ZNF638: variants seen among roughly 807,000 people sequenced by gnomAD.
The protein encoded by ZNF638 is CTCL tumor antigen se33-1.
In ZNF638, 46 loss-of-function variants were observed where a neutral mutation model predicts 195.6. That is an observed-to-expected ratio of 0.24 (90% confidence interval 0.19 to 0.30). The LOEUF (loss-of-function observed/expected upper bound fraction) is 0.30, where lower values mean the gene tolerates loss of function less well. Among genes scored for constraint, ZNF638 ranks in the 10% least tolerant of loss-of-function variants. The pLI is 1.00. For synonymous variants in ZNF638, 845 were observed against 772.0 expected, an observed-to-expected ratio of 1.09 and a Z score of -1.57; for missense variants, 2,440 against 2,325.3, an observed-to-expected ratio of 1.05 and a Z score of -1.01.
Position 71,396,515 on chromosome 2 carries a change from C to T in ZNF638, c.2428+324C>T, listed in dbSNP as rs368330445. Among the ~76,000 whole-genome samples, 8 of 152,192 alleles carry T rather than the reference C, an allele frequency of 5.3e-5. No individual in the cohort carries two copies. The South Asian group carries it at 8.3e-4, about 16-fold the overall frequency. ...TATGATCCTTTGTAGTTTTTGTGAG[C>T]TATAGTGGGATTTTAGGTAATTATT... On this transcript the variant is annotated intron_variant, in intron 11 of 27. Coordinates refer to ENST00000264447, the MANE Select transcript of ZNF638 (RefSeq NM_014497.5).
chr2:71,390,033 C>G (rs1439627354), intron 10 of ZNF638, among the ~76,000 whole-genome samples: 3 of 152,134 alleles, frequency 2.0e-5, no homozygotes, highest in African/African-American at 7.2e-5. Context: ...GTGTGGAGAG[C>G]CAGGTCATAA....
intron 20 of ZNF638, among the ~76,000 whole-genome samples, chr2:71,417,057 C>T (rs1340193066): frequency 4.0e-5 from 5 of 124,382 alleles, no homozygotes; most frequent in Non-Finnish European, 8.4e-5. Context: ...TGGGCAATGG[C>T]GGGCGCCCCT....
chr2:71,359,025 C>G (rs1198756938), intron 3 of ZNF638, among the ~76,000 whole-genome samples: 2 of 152,066 alleles, frequency 1.3e-5, no homozygotes, highest in African/African-American at 4.8e-5. Flanking sequence ...CTGGCATAGT[C>G]TAAACATAAC....
chr2:71,433,716 A>G (rs944226564), intron 27 of ZNF638: 1 of 155,226 alleles, frequency 6.4e-6, no homozygotes, highest in East Asian at 1.9e-4. Flanking sequence ...CTGGAGAATC[A>G]TCATTAACCA....
chr2:71,402,382 CTATGT>C (rs532860575), intron 16 of ZNF638, among the ~76,000 whole-genome samples: 6 of 151,904 alleles, frequency 3.9e-5, no homozygotes, highest in African/African-American at 9.7e-5. Flanking sequence ...ATATCTTTTA[CTATGT>C]TATGTTAATA....
intron 23 of ZNF638, among the ~76,000 whole-genome samples, chr2:71,425,445 T>TA (rs1377978252): frequency 1.3e-5 from 2 of 152,168 alleles, no homozygotes; most frequent in Non-Finnish European, 2.9e-5. Context: ...CCCTAGAAAT[T>TA]ACAGGGTACA....
In ZNF638 at chr2:71,428,538, T is replaced by C. The variant is rs760935583; in HGVS notation, c.5546-9T>C. On this transcript the variant is annotated splice_polypyrimidine_tract_variant and intron_variant, in intron 24 of 27. Transcript: ENST00000264447. ...ACTAGAGCAATAAATTAGGACTTTC[T>C]TTTTAAAGCTAAAACTCCAACCAAG... 3 of 1,609,332 alleles carry C rather than the reference T, an allele frequency of 1.9e-6. No individual in the cohort carries two copies. Among genetic ancestry groups the C allele is most frequent in the Non-Finnish European group, 2.5e-6 (3 of 1,177,480 alleles).
intron 8 of ZNF638, among the ~76,000 whole-genome samples, chr2:71,372,092 T>C (rs1316316276): frequency 1.3e-5 from 2 of 152,090 alleles, no homozygotes; most frequent in Non-Finnish European, 2.9e-5. Context: ...TTGTATATGG[T>C]GAGAGATAGG....
intron 26 of ZNF638, among the ~76,000 whole-genome samples, chr2:71,432,149 A>G (rs541066257): frequency 6.6e-6 from 1 of 152,196 alleles, no homozygotes; most frequent in African/African-American, 2.4e-5. Flanking sequence ...GTTGCCCATC[A>G]TTCTACCTCT....
chr2:71,367,361 T>C (rs569081384), intron 6 of ZNF638, among the ~76,000 whole-genome samples: 1 of 151,086 alleles, frequency 6.6e-6, no homozygotes, highest in Non-Finnish European at 1.5e-5. Context: ...TGAGCTCAAG[T>C]ATCCTCCTGC....
chr2:71,392,011 A>C (rs549189582), intron 10 of ZNF638, among the ~76,000 whole-genome samples: 3 of 152,234 alleles, frequency 2.0e-5, no homozygotes, highest in Non-Finnish European at 4.4e-5. Flanking sequence ...TACTGGGACT[A>C]AAACACTATT....
intron 8 of ZNF638, among the ~76,000 whole-genome samples, chr2:71,376,682 T>G (rs1374101284): frequency 6.7e-6 from 1 of 150,000 alleles, no homozygotes; most frequent in African/African-American, 2.5e-5. Context: ...TTCTCCATTT[T>G]GCTGCTTCTA....
At chr2:71,396,056 G>A (rs1466180303) in intron 10 of ZNF638, 85 bp from the exon 11 acceptor site, 9 of 1,312,842 alleles carry the variant, frequency 6.9e-6, no homozygotes, top group African/African-American at 2.9e-5. Context: ...GGGTTCTTTC[G>A]AAATTATTGC....
intron 17 of ZNF638, among the ~76,000 whole-genome samples, chr2:71,404,864 A>G (rs964073788): frequency 6.6e-6 from 1 of 152,108 alleles, no homozygotes; most frequent in Non-Finnish European, 1.5e-5. Context: ...TATGTGACCT[A>G]TAAACATTTA....
intron 1 of ZNF638, among the ~76,000 whole-genome samples, chr2:71,333,369 A>AT (rs2078607205): frequency 6.6e-6 from 1 of 152,230 alleles, no homozygotes; most frequent in African/African-American, 2.4e-5. Context: ...GTTGGAAGAA[A>AT]TCACAAAATC....
intron 1 of ZNF638, among the ~76,000 whole-genome samples, chr2:71,334,854 G>T (rs2078636477): frequency 6.6e-6 from 1 of 151,924 alleles, no homozygotes; most frequent in Non-Finnish European, 1.5e-5. Context: ...CCGGGAGGTG[G>T]AGGTTGCAGT....
At chr2:71,365,165 A>G in intron 5 of ZNF638, among the ~76,000 whole-genome samples, 1 of 152,234 alleles carries the variant, frequency 6.6e-6, no homozygotes, top group African/African-American at 2.4e-5. Flanking sequence ...AATTTCTAAT[A>G]TGGTAAATAT....
intron 20 of ZNF638, chr2:71,418,222 CTTTT>C (rs1019184942): frequency 1.3e-5 from 2 of 159,494 alleles, no homozygotes; most frequent in African/African-American, 4.8e-5. Flanking sequence ...GAATAGGAAA[CTTTT>C]TTAGTCAGCT....
chr2:71,425,410 T>C (rs1344881936), intron 23 of ZNF638, among the ~76,000 whole-genome samples: 1 of 152,170 alleles, frequency 6.6e-6, no homozygotes, highest in Non-Finnish European at 1.5e-5. Context: ...GTTAATTTGA[T>C]AGTACAATCG....
Sources: allele counts gnomAD v4.1 joint callset (sites outside exome capture counted in the v4.1 genomes callset), GRCh38; gene constraint gnomAD v4.1.1; transcripts MANE v1.5; gene names NCBI Gene and HGNC (gene_info 2026-07-23, HGNC 2026-07-21).